Variants in SLC35G2 observed in about 807,000 individuals in gnomAD.
The protein encoded by SLC35G2 is solute carrier family 35 member G2, also known as transmembrane protein 22.
A neutral mutation model predicts 27.2 loss-of-function variants in SLC35G2; 20 were observed. The ratio of observed to expected loss-of-function variants is 0.74; its 90% CI spans 0.52 to 1.07. The LOEUF is 1.07. Ranked by LOEUF, SLC35G2 falls within the 50% of genes least tolerant of loss-of-function variation. The probability of loss-of-function intolerance (pLI) is 0.00; values close to 1 mark genes in which losing one functional copy is unlikely to be tolerated. For synonymous variants in SLC35G2, 148 were observed against 165.3 expected (o/e 0.90, Z 0.80); for missense variants, 416 against 493.3 (o/e 0.84, Z 1.48).
chr3:136,849,400 G>T (rs1286300700), intron 1 of SLC35G2, among the ~76,000 whole-genome samples: 2 of 151,232 alleles, frequency 1.3e-5, no homozygotes, highest in Admixed American at 1.3e-4. Flanking sequence ...AGAAACTAAA[G>T]TTTATGAAAA....
chr3:136,831,889 CTT>C (rs879767726), intron 1 of SLC35G2, among the ~76,000 whole-genome samples: 4 of 141,056 alleles, frequency 2.8e-5, no homozygotes. Flanking sequence ...TGAGTCTAGT[CTT>C]TTTTTTTTTT....
chr3:136,846,145 G>A (rs1240568330), intron 1 of SLC35G2, among the ~76,000 whole-genome samples: 3 of 152,080 alleles, frequency 2.0e-5, no homozygotes, highest in South Asian at 2.1e-4. Context: ...GACTTAAACC[G>A]CAATATTGGC....
intron 1 of SLC35G2, among the ~76,000 whole-genome samples, chr3:136,834,887 C>T (rs543257215): frequency 2.5e-4 from 38 of 152,296 alleles, no homozygotes; most frequent in African/African-American, 8.4e-4. Context: ...AGATAACTCT[C>T]TTATTATTCT....
chr3:136,831,451 A>C (rs1936727427), intron 1 of SLC35G2, among the ~76,000 whole-genome samples: 1 of 152,208 alleles, frequency 6.6e-6, no homozygotes. Context: ...ATAAAGACAT[A>C]ATGCCTTTTC....
At chr3:136,831,210 T>C (rs951523983) in intron 1 of SLC35G2, among the ~76,000 whole-genome samples, 1 of 152,204 alleles carries the variant, frequency 6.6e-6, no homozygotes, top group African/African-American at 2.4e-5. Context: ...ATACTCACAT[T>C]GCTTTTTGGA....
chr3:136,837,961 C>T (rs1156498846), intron 1 of SLC35G2: 3 of 151,858 alleles, frequency 2.0e-5, no homozygotes, highest in Non-Finnish European at 4.4e-5. Flanking sequence ...GCCTCAGCCT[C>T]CCATGTATAC....
Position 136,854,929 on chromosome 3 carries a change from G to A in SLC35G2, c.469G>A (p.Ala157Thr), listed in dbSNP as rs770616262. The A allele has an allele frequency of 2.5e-6, 4 of 1,614,046 alleles. No individual in the cohort carries two copies. The highest frequency in any genetic ancestry group is 3.4e-6 in the Non-Finnish European group (4 of 1,180,008). Reference protein sequence around the residue: ...SVLVVCYYQEAPFGPSGYRLR... With the variant: ...SVLVVCYYQETPFGPSGYRLR... Reference sequence around the variant, plus strand: ...GTTAGTTGTGTGTTACTATCAGGAGGCCCCCTTTGGACCCAGTGGATACAG... The same window carrying A: ...GTTAGTTGTGTGTTACTATCAGGAGACCCCCTTTGGACCCAGTGGATACAG... Residue 157 changes from alanine (A) to threonine (T), a missense_variant, in exon 2 of 2, where the codon GCC (alanine) becomes ACC (threonine). By Grantham distance (58) the Ala-to-Thr change is moderately conservative. Transcript: ENST00000446465.
At chr3:136,832,547 A>T (rs1356758135) in intron 1 of SLC35G2, among the ~76,000 whole-genome samples, 1 of 152,220 alleles carries the variant, frequency 6.6e-6, no homozygotes, top group Non-Finnish European at 1.5e-5. Context: ...ACCCATTAAC[A>T]TTTAAGTTCC....
intron 1 of SLC35G2, among the ~76,000 whole-genome samples, chr3:136,851,358 G>C (rs62410390): frequency 1.3e-5 from 2 of 151,898 alleles, no homozygotes; most frequent in African/African-American, 2.4e-5. Flanking sequence ...TTAGCCGGGC[G>C]TGGTGGCGGG....
chr3:136,836,263 C>T (rs1472868584), intron 1 of SLC35G2, among the ~76,000 whole-genome samples: 1 of 152,152 alleles, frequency 6.6e-6, no homozygotes, highest in Non-Finnish European at 1.5e-5. Context: ...CACCCTTATT[C>T]TATTTGTAAC....
At chr3:136,820,345 C>A (rs1303166198) in intron 1 of SLC35G2, 1 of 152,236 alleles carries the variant, frequency 6.6e-6, no homozygotes, top group Non-Finnish European at 1.5e-5. Flanking sequence ...CGACTGACTT[C>A]CTGGGCCGCG....
Position 136,855,785 on chromosome 3 carries a change from T to C in SLC35G2, c.*86T>C, listed in dbSNP as rs1447490069. On this transcript the variant is annotated 3_prime_UTR_variant, in exon 2 of 2. Coordinates refer to ENST00000446465, the MANE Select transcript of SLC35G2 (RefSeq NM_025246.3). ...TTACCTATGAATGTCTTTTGTGTTA[T>C]ATAACTGACAGAGTGCTATAAAATA... The C allele has an allele frequency of 7.6e-6, 8 of 1,058,796 alleles. No individual in the cohort carries two copies. The highest frequency in any genetic ancestry group is 2.4e-5 in the East Asian group (1 of 41,626). 65.6% of individuals were successfully genotyped at this position (1,058,796 alleles called of 1,614,324 possible).
chr3:136,824,673 A>G (rs1345008797), intron 1 of SLC35G2, among the ~76,000 whole-genome samples: 1 of 152,182 alleles, frequency 6.6e-6, no homozygotes, highest in Non-Finnish European at 1.5e-5. Flanking sequence ...GTTTTTCCAA[A>G]TATAAGATCA....
intron 1 of SLC35G2, among the ~76,000 whole-genome samples, chr3:136,830,372 T>G (rs1219643534): frequency 6.6e-6 from 1 of 152,104 alleles, no homozygotes; most frequent in Non-Finnish European, 1.5e-5. Flanking sequence ...AAGCTCCGCC[T>G]CCCAGGTTCA....
At chr3:136,823,969 G>A (rs1240732201) in intron 1 of SLC35G2, among the ~76,000 whole-genome samples, 2 of 152,076 alleles carry the variant, frequency 1.3e-5, no homozygotes, top group Non-Finnish European at 2.9e-5. Context: ...ATCATTTATT[G>A]AAGAGACTGT....
At chr3:136,825,415 G>C (rs887647157) in intron 1 of SLC35G2, among the ~76,000 whole-genome samples, 8 of 151,838 alleles carry the variant, frequency 5.3e-5, no homozygotes, top group African/African-American at 1.4e-4. Context: ...CTAATTTTTT[G>C]TATTTTTAGT....
chr3:136,854,706 A>C lies in SLC35G2; in HGVS notation c.246A>C (p.Pro82=). Residue 82 remains proline (P), a synonymous_variant, in exon 2 of 2, where the codon CCA becomes CCC. Transcript: ENST00000446465. The part of the protein sequence containing the change: ...MDTLPPPTED[P]MINEIGQFQS... The stretch of plus-strand genomic sequence containing the variant: ...CCCTACCTCCACCAACAGAAGACCC[A>C]ATGATCAATGAGATTGGACAATTCC... The C allele has an allele frequency of 6.2e-7, 1 of 1,614,164 alleles. No homozygotes were observed. The highest frequency in any genetic ancestry group is 1.1e-5 in the South Asian group (1 of 91,082).
chr3:136,826,137 C>T (rs562807783), intron 1 of SLC35G2, among the ~76,000 whole-genome samples: 14 of 151,950 alleles, frequency 9.2e-5, no homozygotes, highest in Middle Eastern at 3.4e-3. Context: ...TCTGAGTTCA[C>T]GCCATTCTCC....
At chr3:136,853,694 T>A (rs962849408) in intron 1 of SLC35G2, among the ~76,000 whole-genome samples, 1 of 152,210 alleles carries the variant, frequency 6.6e-6, no homozygotes, top group African/African-American at 2.4e-5. Flanking sequence ...TAAACAAATA[T>A]AAATACGTAT....
Sources: gnomAD v4.1 joint callset for allele counts (sites outside exome capture counted in the v4.1 genomes callset) on GRCh38, gnomAD v4.1.1 for gene constraint, MANE v1.5 for transcripts, NCBI Gene and HGNC (gene_info 2026-07-23, HGNC 2026-07-21) for gene names.